Variants in GPC6 observed in about 807,000 individuals in gnomAD.
GPC6 encodes the protein glypican 6.
A neutral mutation model predicts 55.2 loss-of-function variants in GPC6; 14 were observed. The ratio of observed to expected loss-of-function variants is 0.25; its 90% confidence interval spans 0.17 to 0.40. GPC6 has a LOEUF of 0.40. Ranked by LOEUF, GPC6 falls within the 10% of genes least tolerant of loss-of-function variation. The probability of loss-of-function intolerance (pLI) is 1.00; values close to 1 mark genes in which losing one functional copy is unlikely to be tolerated. For synonymous variants in GPC6, 278 were observed against 259.6 expected, an observed-to-expected ratio of 1.07 and a Z score of -0.68; for missense variants, 641 against 708.5, an observed-to-expected ratio of 0.90 and a Z score of 1.08.
chr13:93,241,202 T>G (rs1422244931), intron 1 of GPC6, among the ~76,000 whole-genome samples: 1 of 152,238 alleles, frequency 6.6e-6, no homozygotes. Context: ...ACCAGACAAG[T>G]TTGCCTCAAA....
intron 4 of GPC6, among the ~76,000 whole-genome samples, chr13:94,132,356 A>G (rs1010282094): frequency 2.6e-5 from 4 of 152,156 alleles, no homozygotes; most frequent in Admixed American, 2.0e-4. Context: ...AGGAATGCAC[A>G]TGCCTTCCTC....
intron 2 of GPC6, among the ~76,000 whole-genome samples, chr13:93,761,559 C>G (rs1884955608): frequency 6.6e-6 from 1 of 151,942 alleles, no homozygotes; most frequent in Non-Finnish European, 1.5e-5. Context: ...CTCTGGTGCC[C>G]AGGCTGCAGT....
At chr13:93,879,409 C>A (rs566191665) in intron 3 of GPC6, among the ~76,000 whole-genome samples, 3 of 152,090 alleles carry the variant, frequency 2.0e-5, no homozygotes, top group Admixed American at 6.6e-5. Flanking sequence ...AAATAATGCC[C>A]CATATCTACA....
intron 3 of GPC6, among the ~76,000 whole-genome samples, chr13:93,869,333 G>T (rs1889058952): frequency 1.3e-5 from 2 of 151,818 alleles, no homozygotes; most frequent in Non-Finnish European, 2.9e-5. Flanking sequence ...GCATGTGTTT[G>T]CAGTTCAACT....
At chr13:94,387,161 A>G (rs1281537164) in intron 7 of GPC6, among the ~76,000 whole-genome samples, 1 of 152,076 alleles carries the variant, frequency 6.6e-6, no homozygotes, top group Non-Finnish European at 1.5e-5. Flanking sequence ...AAGGGTGTGT[A>G]AGCAGTGGCT....
At chr13:93,313,634 A>G (rs1879147837) in intron 1 of GPC6, among the ~76,000 whole-genome samples, 2 of 152,078 alleles carry the variant, frequency 1.3e-5, no homozygotes, top group Non-Finnish European at 2.9e-5. Context: ...TACATTTTCC[A>G]TCATATATAA....
chr13:93,789,770 G>C (rs1174632390), intron 2 of GPC6, among the ~76,000 whole-genome samples: 3 of 150,648 alleles, frequency 2.0e-5, no homozygotes, highest in African/African-American at 7.3e-5. Flanking sequence ...GGCCTCAGTA[G>C]AAGCAAGGGC....
chr13:93,296,340 T>C (rs1156706708), intron 1 of GPC6, among the ~76,000 whole-genome samples: 1 of 152,226 alleles, frequency 6.6e-6, no homozygotes, highest in Non-Finnish European at 1.5e-5. Context: ...CTTCATTTTC[T>C]CTCAGTTGGA....
At chr13:94,251,380 G>A (rs955132206) in intron 4 of GPC6, among the ~76,000 whole-genome samples, 12 of 151,076 alleles carry the variant, frequency 7.9e-5, no homozygotes, top group Non-Finnish European at 1.3e-4. Context: ...ATGACGGGTT[G>A]ATAGGTGTAG....
chr13:93,376,336 A>G (rs1344878324), intron 1 of GPC6, among the ~76,000 whole-genome samples: 2 of 152,202 alleles, frequency 1.3e-5, no homozygotes, highest in Admixed American at 1.3e-4. Flanking sequence ...ATAGTCATAT[A>G]AAAGTGAGTG....
rs186710076 is a variant in GPC6, at chr13:94,243,350, C to T, written c.878-42999C>T. Among the ~76,000 whole-genome samples the T allele has an allele frequency of 1.3e-4, 20 of 152,128 alleles. No individual in the cohort carries two copies. The East Asian group carries it at 3.7e-3, about 28-fold the overall frequency. Reference sequence around the variant, plus strand: ...GGACTGGCAGTGAATTGGAACAAGACTGAGATGATGTCTTTTGTGTACTGT... The same window carrying T: ...GGACTGGCAGTGAATTGGAACAAGATTGAGATGATGTCTTTTGTGTACTGT... On this transcript the variant is annotated intron_variant, in intron 4 of 8. Transcript: ENST00000377047.
intron 2 of GPC6, among the ~76,000 whole-genome samples, chr13:93,739,908 T>C (rs1371772785): frequency 6.6e-6 from 1 of 152,106 alleles, no homozygotes; most frequent in Non-Finnish European, 1.5e-5. Flanking sequence ...ATTTGTCAGA[T>C]TGTGAAAGGT....
intron 3 of GPC6, among the ~76,000 whole-genome samples, chr13:93,908,437 G>A (rs1041663531): frequency 1.3e-5 from 2 of 152,176 alleles, no homozygotes; most frequent in Admixed American, 6.5e-5. Flanking sequence ...AGAATTCCCA[G>A]ATGATTTGGT....
intron 2 of GPC6, among the ~76,000 whole-genome samples, chr13:93,641,175 GA>G (rs202194892): frequency 3.6e-4 from 54 of 149,730 alleles, no homozygotes; most frequent in Admixed American, 2.1e-3. Context: ...GCTTTTTTCA[GA>G]AAAAAAAATA....
At chr13:93,359,088 T>TCCCA (rs1482729544) in intron 1 of GPC6, among the ~76,000 whole-genome samples, 1 of 150,066 alleles carries the variant, frequency 6.7e-6, no homozygotes, top group South Asian at 2.2e-4. Context: ...CACCTCAGCC[T>TCCCA]CCCAGGTAGC....
At chr13:94,060,457 A>G (rs1026626996) in intron 4 of GPC6, among the ~76,000 whole-genome samples, 1 of 152,174 alleles carries the variant, frequency 6.6e-6, no homozygotes, top group East Asian at 1.9e-4. Context: ...GAGAATTCCT[A>G]AATTAGTTTC....
At chr13:93,241,712 T>C (rs1876435505) in intron 1 of GPC6, among the ~76,000 whole-genome samples, 1 of 152,200 alleles carries the variant, frequency 6.6e-6, no homozygotes, top group African/African-American at 2.4e-5. Flanking sequence ...ATGTGATCTT[T>C]TGAGGGCATT....
intron 3 of GPC6, chr13:94,025,375 A>C (rs563922497): frequency 2.4e-4 from 37 of 152,258 alleles, no homozygotes; most frequent in Non-Finnish European, 3.2e-4. Context: ...ATTTCACATT[A>C]ATATTGTCTG....
intron 1 of GPC6, among the ~76,000 whole-genome samples, chr13:93,241,364 G>A (rs576597442): frequency 2.6e-5 from 4 of 152,008 alleles, no homozygotes; most frequent in South Asian, 2.1e-4. Flanking sequence ...GTTTTTGTTC[G>A]GTTGGGTAAA....
Sources: gnomAD v4.1 joint callset for allele counts (sites outside exome capture counted in the v4.1 genomes callset) on GRCh38, gnomAD v4.1.1 for gene constraint, MANE v1.5 for transcripts, NCBI Gene and HGNC (gene_info 2026-07-23, HGNC 2026-07-21) for gene names.